SEPTIN9: variants seen among roughly 807,000 people sequenced by gnomAD.
SEPTIN9 encodes the protein septin-9.
SEPTIN9 carries 13 observed loss-of-function variants against 56.6 expected under a neutral mutation model. That is an observed-to-expected ratio of 0.23 (90% confidence interval 0.15 to 0.37). The LOEUF is 0.37. Among genes scored for constraint, SEPTIN9 ranks in the 10% least tolerant of loss-of-function variants. The pLI, the probability that SEPTIN9 is intolerant of heterozygous loss-of-function variation, is 1.00. For missense variants in SEPTIN9, 650 were observed against 823.1 expected (o/e 0.79, Z 2.57); for synonymous variants, 332 against 334.1 (o/e 0.99, Z 0.07).
intron 3 of SEPTIN9, among the ~76,000 whole-genome samples, chr17:77,477,883 T>C (rs1158366278): frequency 6.6e-6 from 1 of 152,152 alleles, no homozygotes; most frequent in Non-Finnish European, 1.5e-5. Context: ...TTAGTCTGGA[T>C]ACCCGAAAGA....
chr17:77,312,924 A>G (rs1430196570), intron 2 of SEPTIN9, among the ~76,000 whole-genome samples: 12 of 152,242 alleles, frequency 7.9e-5, no homozygotes. Context: ...GTTCACTGCC[A>G]CATGTGGCTG....
At position 77,450,579 on chromosome 17, in the gene SEPTIN9, C is replaced by T; in HGVS notation, c.722-31565C>T. On this transcript the variant is annotated intron_variant, in intron 3 of 11. Coordinates refer to ENST00000427177, the MANE Select transcript of SEPTIN9 (RefSeq NM_001113491.2). The surrounding 1 kb of genome is among the most constrained non-coding windows in gnomAD (Gnocchi z 6.0). ...CTGAGATGGGTCTGGCAGATCCCAG[C>T]GTCCAGGCCCAGCCCCTATAGTGTC... 1.0e-6 allele frequency: 1 copy of T among 985,556 alleles called. No individual in the cohort carries two copies. Among genetic ancestry groups the T allele is most frequent in the South Asian group, 4.7e-5 (1 of 21,290 alleles). The allele number at this position is 985,556 out of a possible 1,614,324, so 61.1% of individuals were successfully genotyped here.
intron 2 of SEPTIN9, among the ~76,000 whole-genome samples, chr17:77,350,789 C>T (rs1178005605): frequency 6.6e-6 from 1 of 152,212 alleles, no homozygotes; most frequent in Non-Finnish European, 1.5e-5. Context: ...GTAGATGCCA[C>T]GAGGCATGCC....
At chr17:77,375,873 C>T (rs1235407114) in intron 2 of SEPTIN9, 2 of 155,548 alleles carry the variant, frequency 1.3e-5, no homozygotes, top group African/African-American at 4.8e-5. Flanking sequence ...AGGTGGCCCT[C>T]CCTGGTGCCC....
intron 1 of SEPTIN9, chr17:77,287,816 G>A: frequency 1.1e-6 from 1 of 928,732 alleles, no homozygotes; most frequent in Non-Finnish European, 1.3e-6. Context: ...AAGCATGACT[G>A]TTGGCAGCCT....
At position 77,364,368 on chromosome 17, in the gene SEPTIN9, T is replaced by A. The variant is rs547076635; in HGVS notation, c.77-37691T>A. 2.0e-5 allele frequency among the ~76,000 whole-genome samples: 3 copies of A among 152,176 alleles called. No homozygotes were observed. In the East Asian group the frequency reaches 5.8e-4, roughly 29 times the overall value. On this transcript the variant is annotated intron_variant, in intron 2 of 11. Transcript: ENST00000427177. The stretch of plus-strand genomic sequence containing the variant: ...GTGTTAGGGTAATTTGTTAATGGGG[T>A]ATATTTGGTGACATAAAACCTTCTG...
In SEPTIN9 at chr17:77,453,027, C is replaced by G. The variant is rs529615107; in HGVS notation, c.722-29117C>G. 1.6e-3 allele frequency among the ~76,000 whole-genome samples: 249 copies of G among 151,852 alleles called. 2 individuals are homozygous for G. Among genetic ancestry groups the G allele is most frequent in the African/African-American group, 5.6e-3 (232 of 41,352 alleles). On this transcript the variant is annotated intron_variant, in intron 3 of 11. Transcript: ENST00000427177. The surrounding 1 kb of genome is among the most constrained non-coding windows in gnomAD (Gnocchi z 4.4). ...GCTGCTGACTCCCAGCTTGCCCCTT[C>G]TGTCCCCTGGCCATTTCTGTGTCGG...
chr17:77,470,232 A>G (rs1229683983), intron 3 of SEPTIN9, among the ~76,000 whole-genome samples: 1 of 146,826 alleles, frequency 6.8e-6, no homozygotes, highest in Admixed American at 6.8e-5. Context: ...CTATCCACCC[A>G]TGTATCCATC....
intron 2 of SEPTIN9, among the ~76,000 whole-genome samples, chr17:77,316,640 C>T (rs373103052): frequency 1.5e-3 from 228 of 152,310 alleles, no homozygotes; most frequent in Non-Finnish European, 1.9e-3. Flanking sequence ...CCTGGGCTTC[C>T]CTGCCCCACA....
intron 2 of SEPTIN9, among the ~76,000 whole-genome samples, chr17:77,340,797 A>G (rs1212131862): frequency 6.6e-6 from 1 of 152,258 alleles, no homozygotes; most frequent in Non-Finnish European, 1.5e-5. Context: ...CTTCTGGGTA[A>G]CTTGCTGCCG....
In SEPTIN9 at chr17:77,292,618, C is replaced by T. The variant is rs371630726; in HGVS notation, c.19+11064C>T. Among the ~76,000 whole-genome samples, 7 of 152,108 alleles carry T rather than the reference C, an allele frequency of 4.6e-5. 1 individual carries two copies. Among genetic ancestry groups the T allele is most frequent in the Non-Finnish European group, 1.0e-4 (7 of 68,024 alleles). The stretch of plus-strand genomic sequence containing the variant: ...AACCAATTCTCCTGCTTCAGCCTCC[C>T]AAGTAGCTGGGACTACAGGCGCCCG... On this transcript the variant is annotated intron_variant, in intron 1 of 11. Transcript: ENST00000427177.
rs995320202 is a variant in SEPTIN9, at chr17:77,475,315, G to C, written c.722-6829G>C. Reference sequence around the variant, plus strand: ...GTGGGAGCGGGGAGGGCAAGCCCTGGTTGCGAGGCAGGGCTTCCCCAGGAT... The same window carrying C: ...GTGGGAGCGGGGAGGGCAAGCCCTGCTTGCGAGGCAGGGCTTCCCCAGGAT... On this transcript the variant is annotated intron_variant, in intron 3 of 11. Transcript: ENST00000427177. This position sits in a 1 kb window ranked among gnomAD's most constrained non-coding sequence, Gnocchi z 4.6. 6 of 1,425,528 alleles carry C rather than the reference G, an allele frequency of 4.2e-6. No homozygotes were observed. Among genetic ancestry groups the C allele is most frequent in the African/African-American group, 1.4e-5 (1 of 69,552 alleles). The allele number at this position is 1,425,528 out of a possible 1,614,324, so 88.3% of individuals were successfully genotyped here.
intron 2 of SEPTIN9, 74 bp from the exon 3 acceptor site, chr17:77,401,985 C>T (rs530604698): frequency 6.6e-7 from 1 of 1,506,606 alleles, no homozygotes; most frequent in East Asian, 2.3e-5. Flanking sequence ...CTCTGCTGCT[C>T]CTTAGCAGGA....
rs117881888 is a variant in SEPTIN9 at position 77,409,447 on chromosome 17, G to A, written c.721+6744G>A. 3.9e-3 allele frequency among the ~76,000 whole-genome samples: 597 copies of A among 152,296 alleles called. 1 individual carries two copies. Among genetic ancestry groups the A allele is most frequent in the Middle Eastern group, 0.017 (5 of 294 alleles). On this transcript the variant is annotated intron_variant, in intron 3 of 11. Transcript: ENST00000427177. ...CAGTGGTGAGAGGAAAGGAGGGCTG[G>A]TCCGGGAATGCAGCGGGTGCCGAGC...
Position 77,451,824 on chromosome 17 carries a change from C to T in SEPTIN9, c.722-30320C>T, listed in dbSNP as rs1229090734. On this transcript the variant is annotated intron_variant, in intron 3 of 11. Coordinates refer to ENST00000427177, the MANE Select transcript of SEPTIN9 (RefSeq NM_001113491.2). The surrounding 1 kb of genome is among the most constrained non-coding windows in gnomAD (Gnocchi z 4.2). ...GCCAACTAAGCTGAGTGGCTAAGTTCTCCTGCTGCCCGGAGCTTCTTGGAA... is the reference window on the plus strand; with the variant it reads ...GCCAACTAAGCTGAGTGGCTAAGTTTTCCTGCTGCCCGGAGCTTCTTGGAA... Among the ~76,000 whole-genome samples the T allele has an allele frequency of 6.6e-6, 1 of 152,254 alleles. No individual in the cohort carries two copies. Among genetic ancestry groups the T allele is most frequent in the African/African-American group, 2.4e-5 (1 of 41,470 alleles).
chr17:77,358,843 A>G (rs2034333063), intron 2 of SEPTIN9, among the ~76,000 whole-genome samples: 1 of 152,174 alleles, frequency 6.6e-6, no homozygotes, highest in Admixed American at 6.5e-5. Flanking sequence ...GAGTTAGTCA[A>G]GGCACCATCT....
rs373559324 is a variant in SEPTIN9, at chr17:77,445,542, G to A, written c.722-36602G>A. 22 of 394,648 alleles carry A rather than the reference G, an allele frequency of 5.6e-5. No homozygotes were observed. The highest frequency in any genetic ancestry group is 2.3e-4 in the African/African-American group (11 of 48,010). 24.4% of individuals were successfully genotyped at this position (394,648 alleles called of 1,614,324 possible). A position where few individuals can be genotyped will look rare whatever the true frequency, so the allele number is the denominator to read the frequency against. On this transcript the variant is annotated intron_variant, in intron 3 of 11. Transcript: ENST00000427177. This position sits in a 1 kb window ranked among gnomAD's most constrained non-coding sequence, Gnocchi z 4.7. ...TGCACGCACGTGTGTGTGTGTGTGC[G>A]TGCGTGCTGGGTGGGTAGGGAGGAA... is the stretch of plus-strand genomic sequence containing the variant.
chr17:77,497,539 C>G (rs2040322661), intron 11 of SEPTIN9, 173 bp downstream of exon 11: 1 of 662,878 alleles, frequency 1.5e-6, no homozygotes, highest in African/African-American at 1.8e-5. Flanking sequence ...AAAAGAAAAC[C>G]CACTGGGAAA....
At chr17:77,493,164 G>A (rs746478388) in intron 10 of SEPTIN9, 88 bp downstream of exon 10, 7 of 1,001,726 alleles carry the variant, frequency 7.0e-6, no homozygotes, top group African/African-American at 3.2e-5. Context: ...CCTGAGCCAG[G>A]GACTCGTGGA....
Sources: allele counts gnomAD v4.1 joint callset (sites outside exome capture counted in the v4.1 genomes callset), GRCh38; gene constraint gnomAD v4.1.1; non-coding constraint Gnocchi (gnomAD v3.1); transcripts MANE v1.5; gene names NCBI Gene and HGNC (gene_info 2026-07-23, HGNC 2026-07-21).